The following CTNNA3 variants were observed in gnomAD, a reference collection of about 807,000 sequenced individuals.
CTNNA3 encodes catenin alpha 3, also known as catenin alpha-3.
In CTNNA3, 76 loss-of-function variants were observed where a neutral mutation model predicts 95.7. That is an observed-to-expected ratio of 0.79 (90% confidence interval 0.66 to 0.96). The LOEUF is 0.96. Ranked by LOEUF, CTNNA3 falls within the 40% of genes least tolerant of loss-of-function variation. The pLI, the probability that CTNNA3 is intolerant of heterozygous loss-of-function variation, is 0.00. For synonymous variants in CTNNA3, 431 were observed against 374.4 expected (o/e 1.15, Z -1.74); for missense variants, 1,191 against 1,089.8 (o/e 1.09, Z -1.31).
rs368525944 is a variant in CTNNA3 at position 66,962,635 on chromosome 10, TCTC to T, written c.1048-187114_1048-187112del. Reference sequence around the variant, plus strand: ...ACCATGTTGGCCAGGATGTTCTCGATCTCCTGATCTCGTGATCTGCCTGCCCCA... The same window carrying T: ...ACCATGTTGGCCAGGATGTTCTCGATCTGATCTCGTGATCTGCCTGCCCCA... On this transcript the variant is annotated intron_variant, in intron 7 of 17. Transcript: ENST00000433211. Among the ~76,000 whole-genome samples the T allele has an allele frequency of 2.5e-4, 38 of 152,106 alleles. No homozygotes were observed. The East Asian group carries it at 5.2e-3, about 21-fold the overall frequency.
At chr10:66,199,493 CTATG>C (rs1379475273) in intron 13 of CTNNA3, among the ~76,000 whole-genome samples, 1 of 151,432 alleles carries the variant, frequency 6.6e-6, no homozygotes, top group African/African-American at 2.4e-5. Flanking sequence ...AACTTCAGTG[CTATG>C]TATGTATGGT....
intron 5 of CTNNA3, among the ~76,000 whole-genome samples, chr10:67,362,494 A>C (rs1434903949): frequency 6.6e-6 from 1 of 152,216 alleles, no homozygotes; most frequent in Non-Finnish European, 1.5e-5. Flanking sequence ...AATGTGATTT[A>C]CCATATAAAC....
intron 7 of CTNNA3, chr10:67,097,477 CA>C: frequency 1.1e-6 from 1 of 903,900 alleles, no homozygotes; most frequent in Non-Finnish European, 1.7e-6. Context: ...GCCACAGGGC[CA>C]CAGATATAAC....
At chr10:67,040,764 G>A (rs138406001) in intron 7 of CTNNA3, among the ~76,000 whole-genome samples, 201 of 152,122 alleles carry the variant, frequency 1.3e-3, no homozygotes, top group African/African-American at 4.6e-3. Flanking sequence ...AAATATCAGC[G>A]TAAAAGCAGA....
chr10:67,123,767 T>C (rs16924089), intron 7 of CTNNA3, among the ~76,000 whole-genome samples: 2,377 of 152,294 alleles, frequency 0.016, 82 homozygotes, highest in East Asian at 0.14. Context: ...AAAATTTTGG[T>C]CCTTGTAATC....
At chr10:67,605,318 G>A (rs1394724645) in intron 3 of CTNNA3, among the ~76,000 whole-genome samples, 1 of 152,160 alleles carries the variant, frequency 6.6e-6, no homozygotes, top group African/African-American at 2.4e-5. Flanking sequence ...CTTTGTTTAA[G>A]AAAGTCATAC....
At chr10:66,635,379 G>C (rs1306671758) in intron 9 of CTNNA3, among the ~76,000 whole-genome samples, 1 of 152,078 alleles carries the variant, frequency 6.6e-6, no homozygotes, top group African/African-American at 2.4e-5. Flanking sequence ...TAGGATCATT[G>C]TGGAAAGGGT....
chr10:67,108,520 G>T (rs930713150), intron 7 of CTNNA3, among the ~76,000 whole-genome samples: 3 of 152,104 alleles, frequency 2.0e-5, no homozygotes, highest in Non-Finnish European at 2.9e-5. Context: ...TGACTATGAT[G>T]TGAGACACAG....
intron 13 of CTNNA3, among the ~76,000 whole-genome samples, chr10:66,132,942 G>C (rs2083185099): frequency 6.6e-6 from 1 of 151,994 alleles, no homozygotes; most frequent in African/African-American, 2.4e-5. Flanking sequence ...AAAAATAACT[G>C]TTGGTTACTT....
intron 7 of CTNNA3, among the ~76,000 whole-genome samples, chr10:67,058,021 T>C (rs143570803): frequency 6.6e-6 from 1 of 152,270 alleles, no homozygotes; most frequent in East Asian, 1.9e-4. Context: ...CCCCACATCA[T>C]AGACACACCT....
intron 15 of CTNNA3, among the ~76,000 whole-genome samples, chr10:66,010,781 G>T (rs1375422661): frequency 2.6e-5 from 4 of 151,934 alleles, no homozygotes; most frequent in Admixed American, 6.6e-5. Flanking sequence ...GGTGAAAACT[G>T]CAGAGGTTTC....
At chr10:66,500,767 A>C (rs1041615356) in intron 11 of CTNNA3, among the ~76,000 whole-genome samples, 2 of 152,122 alleles carry the variant, frequency 1.3e-5, no homozygotes, top group Non-Finnish European at 2.9e-5. Context: ...CAGTATTACA[A>C]CTGTGCCTGA....
chr10:67,476,765 T>C (rs1380087436), intron 5 of CTNNA3, among the ~76,000 whole-genome samples: 1 of 151,662 alleles, frequency 6.6e-6, no homozygotes, highest in Admixed American at 6.6e-5. Context: ...TGGGGCCCTA[T>C]GTACTCCATA....
chr10:67,359,525 T>C (rs1842926599), intron 5 of CTNNA3, among the ~76,000 whole-genome samples: 1 of 152,122 alleles, frequency 6.6e-6, no homozygotes, highest in Admixed American at 6.6e-5. Context: ...CATAGTCATT[T>C]TAAGAAAGAA....
intron 10 of CTNNA3, among the ~76,000 whole-genome samples, chr10:66,576,503 C>T (rs1205663992): frequency 6.6e-6 from 1 of 151,952 alleles, no homozygotes; most frequent in East Asian, 1.9e-4. Flanking sequence ...ATGAAGCAGT[C>T]TCCAGAGTCT....
intron 9 of CTNNA3, among the ~76,000 whole-genome samples, chr10:66,671,077 T>G (rs1313964131): frequency 6.6e-6 from 1 of 152,188 alleles, no homozygotes; most frequent in Non-Finnish European, 1.5e-5. Context: ...ATTATTTGAT[T>G]ACAATTAGAG....
At chr10:66,880,391 AC>A in intron 7 of CTNNA3, among the ~76,000 whole-genome samples, 1 of 152,216 alleles carries the variant, frequency 6.6e-6, no homozygotes, top group East Asian at 1.9e-4. Flanking sequence ...AAAGAGAGCT[AC>A]CCTGGAGAGC....
At chr10:65,972,634 C>T (rs2078127308) in intron 16 of CTNNA3, among the ~76,000 whole-genome samples, 1 of 151,862 alleles carries the variant, frequency 6.6e-6, no homozygotes, top group Non-Finnish European at 1.5e-5. Context: ...ATGCATCTAA[C>T]CAAGGAAGTG....
chr10:66,900,665 G>A (rs9731371), intron 7 of CTNNA3, among the ~76,000 whole-genome samples: 59,937 of 151,898 alleles, frequency 0.39, 12,122 homozygotes, highest in Non-Finnish European at 0.43. Context: ...AGAATAAACA[G>A]TGTAGAGAAG....
Sources: gnomAD v4.1 joint callset for allele counts (sites outside exome capture counted in the v4.1 genomes callset) on GRCh38, gnomAD v4.1.1 for gene constraint, MANE v1.5 for transcripts, NCBI Gene and HGNC (gene_info 2026-07-23, HGNC 2026-07-21) for gene names.